KCNQ1: variants seen among roughly 807,000 people sequenced by gnomAD.
The protein encoded by KCNQ1 is potassium voltage-gated channel subfamily Q member 1, also known as potassium voltage-gated channel subfamily KQT member 1.
Under a neutral mutation model 72.4 loss-of-function variants are expected in KCNQ1, and 49 were observed. The observed-to-expected ratio is 0.68, with a 90% confidence interval of 0.54 to 0.86. The LOEUF is 0.86. Ranked by LOEUF, KCNQ1 falls within the 40% of genes least tolerant of loss-of-function variation. The pLI, the probability that KCNQ1 is intolerant of heterozygous loss-of-function variation, is 0.00. For missense variants in KCNQ1, 790 were observed against 945.1 expected, an observed-to-expected ratio of 0.84 and a Z score of 2.15; for synonymous variants, 450 against 412.6, an observed-to-expected ratio of 1.09 and a Z score of -1.10.
In KCNQ1 at chr11:2,752,068, C is replaced by T. The variant is rs1394899083; in HGVS notation, c.1515-16776C>T. 6.6e-6 allele frequency among the ~76,000 whole-genome samples: 1 copy of T among 152,268 alleles called. No homozygotes were observed. Among genetic ancestry groups the T allele is most frequent in the Non-Finnish European group, 1.5e-5 (1 of 68,048 alleles). On this transcript the variant is annotated intron_variant, in intron 11 of 15. Coordinates refer to ENST00000155840, the MANE Select transcript of KCNQ1 (RefSeq NM_000218.3). The surrounding 1 kb of genome is among the most constrained non-coding windows in gnomAD (Gnocchi z 5.2). ...CCACGCCCTGAGGGGCCGTCCTAGG[C>T]AGCACTCACCCTGGTCATCCCTGTT...
intron 15 of KCNQ1, among the ~76,000 whole-genome samples, chr11:2,791,500 G>A (rs563356688): frequency 4.7e-4 from 72 of 152,246 alleles, no homozygotes; most frequent in African/African-American, 1.3e-3. Flanking sequence ...CAGTGGCTTG[G>A]TCACCATCAA....
Position 2,742,707 on chromosome 11 carries a change from G to T in KCNQ1, c.1515-26137G>T, listed in dbSNP as rs1159083893. ...TTGCAAACAAGAGCCTCGGAGAGAA[G>T]GAGGCCTTCCCCTCCCCATGTGCTG... On this transcript the variant is annotated intron_variant, in intron 11 of 15. Transcript: ENST00000155840. 2.0e-5 allele frequency among the ~76,000 whole-genome samples: 3 copies of T among 152,268 alleles called. No homozygotes were observed. In the East Asian group the frequency reaches 5.8e-4, roughly 29 times the overall value.
At chr11:2,606,126 T>C (rs1040315172) in intron 10 of KCNQ1, among the ~76,000 whole-genome samples, 3 of 152,378 alleles carry the variant, frequency 2.0e-5, no homozygotes, top group African/African-American at 7.2e-5. Context: ...CTTTATTCTT[T>C]TTTGATGTTA....
In KCNQ1 at chr11:2,782,119, C is replaced by T. The variant is rs901083436; in HGVS notation, c.1794+4082C>T. ...ATCAACCAGGCCACAAGCTGGACCC[C>T]AAGGCTTTTTTGTCTTGGGCAGTTC... On this transcript the variant is annotated intron_variant, in intron 15 of 15. Coordinates refer to ENST00000155840, the MANE Select transcript of KCNQ1 (RefSeq NM_000218.3). This position sits in a 1 kb window ranked among gnomAD's most constrained non-coding sequence, Gnocchi z 6.1. Among the ~76,000 whole-genome samples, 1 of 152,142 alleles carries T rather than the reference C, an allele frequency of 6.6e-6. No homozygotes were observed. Among genetic ancestry groups the T allele is most frequent in the African/African-American group, 2.4e-5 (1 of 41,420 alleles).
At chr11:2,539,451 C>G (rs1847788623) in intron 2 of KCNQ1, among the ~76,000 whole-genome samples, 2 of 152,340 alleles carry the variant, frequency 1.3e-5, no homozygotes, top group East Asian at 3.9e-4. Context: ...TAGACAATAC[C>G]TGACATCTTT....
In KCNQ1 at chr11:2,816,128, C is replaced by A. The variant is rs1847609493; in HGVS notation, c.1795-31639C>A. Reference sequence around the variant, plus strand: ...GTAGCCAGGGGCAAGACCTCACACGCCTCTGCCCATCCTGGGAAACTCACC... The same window carrying A: ...GTAGCCAGGGGCAAGACCTCACACGACTCTGCCCATCCTGGGAAACTCACC... On this transcript the variant is annotated intron_variant, in intron 15 of 15. Transcript: ENST00000155840. This position sits in a 1 kb window ranked among gnomAD's most constrained non-coding sequence, Gnocchi z 6.8. Among the ~76,000 whole-genome samples the A allele has an allele frequency of 6.6e-6, 1 of 152,204 alleles. No individual in the cohort carries two copies. The highest frequency in any genetic ancestry group is 2.4e-5 in the African/African-American group (1 of 41,458).
rs45570140 is a variant in KCNQ1, at chr11:2,848,308, A to C, written c.*305A>C. The C allele has an allele frequency of 2.1e-3, 1,296 of 621,918 alleles. 36 individuals are homozygous for C. In the Admixed American group the frequency reaches 0.026, roughly 13 times the overall value. 38.5% of individuals were successfully genotyped at this position (621,918 alleles called of 1,614,324 possible). On this transcript the variant is annotated 3_prime_UTR_variant, in exon 16 of 16. Coordinates refer to ENST00000155840, the MANE Select transcript of KCNQ1 (RefSeq NM_000218.3). The stretch of plus-strand genomic sequence containing the variant: ...GGTGGTTGGGACCCAGTGGCAGGGC[A>C]CAGGGCCTGGCCCATGTATGGCCAG...
At chr11:2,503,468 T>C (rs1300118419) in intron 1 of KCNQ1, among the ~76,000 whole-genome samples, 1 of 142,588 alleles carries the variant, frequency 7.0e-6, no homozygotes, top group Non-Finnish European at 1.5e-5. Flanking sequence ...ATGTTCTCAC[T>C]CATAGGTGGG....
Position 2,578,754 on chromosome 11 carries a change from G to A in KCNQ1, c.922-4681G>A, listed in dbSNP as rs546379707. 3.6e-4 allele frequency among the ~76,000 whole-genome samples: 55 copies of A among 152,370 alleles called. 1 individual carries two copies. Among genetic ancestry groups the A allele is most frequent in the Non-Finnish European group, 6.5e-4 (44 of 68,024 alleles). On this transcript the variant is annotated intron_variant, in intron 6 of 15. Transcript: ENST00000155840. ...ACTCCATCCTTAGGTGCCTCCTCAC[G>A]GGCAGGCTGGGCTCTCGAGGCTGGG...
At chr11:2,521,047 GT>G (rs965470703) in intron 1 of KCNQ1, among the ~76,000 whole-genome samples, 8 of 111,082 alleles carry the variant, frequency 7.2e-5, no homozygotes, top group African/African-American at 1.0e-4. Flanking sequence ...TTTAAAAAAA[GT>G]TTTTTTTTTA....
Position 2,671,331 on chromosome 11 carries a change from G to A in KCNQ1, c.1514+9250G>A. On this transcript the variant is annotated intron_variant, in intron 11 of 15. Transcript: ENST00000155840. This position sits in a 1 kb window ranked among gnomAD's most constrained non-coding sequence, Gnocchi z 4.7. Reference sequence around the variant, plus strand: ...TCCCATGTGTGGCTGCAGCCTCAGAGGCTCCCTCTGAAGATGACACTGGGA... The same window carrying A: ...TCCCATGTGTGGCTGCAGCCTCAGAAGCTCCCTCTGAAGATGACACTGGGA... 2.5e-6 allele frequency: 1 copy of A among 398,570 alleles called. No homozygotes were observed. The highest frequency in any genetic ancestry group is 1.3e-4 in the South Asian group (1 of 7,854). 24.7% of individuals were successfully genotyped at this position (398,570 alleles called of 1,614,324 possible).
chr11:2,848,132 A>C lies in KCNQ1; in HGVS notation c.*129A>C. Reference sequence around the variant, plus strand: ...AAGAGCCCCACTCTCAGAGGCCCCAATACCCCATGGACCATGCTGTCTGGC... The same window carrying C: ...AAGAGCCCCACTCTCAGAGGCCCCACTACCCCATGGACCATGCTGTCTGGC... On this transcript the variant is annotated 3_prime_UTR_variant, in exon 16 of 16. Transcript: ENST00000155840. The C allele has an allele frequency of 1.2e-6, 1 of 811,298 alleles. No individual in the cohort carries two copies. Among genetic ancestry groups the C allele is most frequent in the Non-Finnish European group, 2.1e-6 (1 of 487,308 alleles). The allele number at this position is 811,298 out of a possible 1,614,324, so 50.3% of individuals were successfully genotyped here.
chr11:2,539,393 A>G (rs1278238204), intron 2 of KCNQ1, among the ~76,000 whole-genome samples: 2 of 152,188 alleles, frequency 1.3e-5, no homozygotes, highest in Non-Finnish European at 2.9e-5. Context: ...TTTCCAGAGC[A>G]TTGAGTGGCT....
intron 10 of KCNQ1, chr11:2,648,984 T>TTTC (rs1554902181): frequency 4.7e-5 from 2 of 42,170 alleles, no homozygotes; most frequent in East Asian, 2.7e-3. Flanking sequence ...TCTTTTTCTT[T>TTTC]TTTTTTTTTT....
intron 11 of KCNQ1, chr11:2,666,365 C>T (rs1360293472): frequency 5.0e-6 from 2 of 398,556 alleles, no homozygotes; most frequent in East Asian, 3.6e-5. Context: ...GCTTGCCTGG[C>T]CTCTTGTGAC....
intron 1 of KCNQ1, among the ~76,000 whole-genome samples, chr11:2,521,087 T>A (rs1227418666): frequency 6.6e-6 from 1 of 152,124 alleles, no homozygotes; most frequent in Non-Finnish European, 1.5e-5. Flanking sequence ...AACACACAAT[T>A]TACCGTCTTA....
At position 2,816,614 on chromosome 11, in the gene KCNQ1, A is replaced by AG. The variant is rs1257926102; in HGVS notation, c.1795-31148dup. On this transcript the variant is annotated intron_variant, in intron 15 of 15. Transcript: ENST00000155840. The surrounding 1 kb of genome is among the most constrained non-coding windows in gnomAD (Gnocchi z 6.8). The stretch of plus-strand genomic sequence containing the variant: ...TGATGAGGGGCTGGAGGCAGCAGAA[A>AG]GGGGGCTATAGGACCCTTTGACTCA... Among the ~76,000 whole-genome samples the AG allele has an allele frequency of 6.6e-6, 1 of 152,264 alleles. No homozygotes were observed. The highest frequency in any genetic ancestry group is 6.5e-5 in the Admixed American group (1 of 15,300).
intron 11 of KCNQ1, among the ~76,000 whole-genome samples, chr11:2,763,415 ATAAG>A (rs1395694177): frequency 2.0e-5 from 3 of 146,578 alleles, no homozygotes; most frequent in East Asian, 2.5e-4. Flanking sequence ...AAAAAAAAAA[ATAAG>A]AAAGAAAGAA....
At position 2,645,352 on chromosome 11, in the gene KCNQ1, G is replaced by A. The variant is rs1025935996; in HGVS notation, c.1394-16609G>A. On this transcript the variant is annotated intron_variant, in intron 10 of 15. Transcript: ENST00000155840. This position sits in a 1 kb window ranked among gnomAD's most constrained non-coding sequence, Gnocchi z 5.8. ...AGGGTGATCCCTAGGCCCAGAGATG[G>A]TATGCGCTGGCACTGGGAGAAAAGA... 1.5e-5 allele frequency: 6 copies of A among 398,658 alleles called. No individual in the cohort carries two copies. The highest frequency in any genetic ancestry group is 2.2e-5 in the Non-Finnish European group (5 of 226,224). 24.7% of individuals were successfully genotyped at this position (398,658 alleles called of 1,614,324 possible).
Sources: gnomAD v4.1 joint callset for allele counts (sites outside exome capture counted in the v4.1 genomes callset) on GRCh38, gnomAD v4.1.1 for gene constraint, Gnocchi (gnomAD v3.1) non-coding constraint, MANE v1.5 for transcripts, NCBI Gene and HGNC (gene_info 2026-07-23, HGNC 2026-07-21) for gene names.